The following IFI44 variants were observed in gnomAD, a reference collection of about 807,000 sequenced individuals.
IFI44 encodes the protein interferon-induced protein 44.
In IFI44, 42 loss-of-function variants were observed where a neutral mutation model predicts 45.0. That is an observed-to-expected ratio of 0.93 (90% confidence interval 0.73 to 1.21). The LOEUF (loss-of-function observed/expected upper bound fraction) is 1.21. Among genes scored for constraint, IFI44 ranks in the 50% most tolerant of loss-of-function variants. The pLI is 0.00. For missense variants in IFI44, 623 were observed against 525.8 expected (o/e 1.18, Z -1.81); for synonymous variants, 221 against 188.6 (o/e 1.17, Z -1.41).
rs1647542011 is a variant in IFI44, at chr1:78,662,796, G to T, written c.1206G>T (p.Lys402Asn). ...CTGAGTGGGAGCTGGACCCTGTAAAGGATGTTCTAATTCTTTCTGCTCTGA... is the reference window on the plus strand; with the variant it reads ...CTGAGTGGGAGCTGGACCCTGTAAATGATGTTCTAATTCTTTCTGCTCTGA... ...YSSEWELDPV[K>N]DVLILSALRR... The change falls in exon 8 of 9, where the codon AAG (lysine) becomes AAT (asparagine). Residue 402 changes from lysine (K) to asparagine (N), a missense_variant. Coordinates refer to ENST00000370747, the MANE Select transcript of IFI44 (RefSeq NM_006417.5). 6.2e-7 allele frequency: 1 copy of T among 1,613,664 alleles called. No individual in the cohort carries two copies.
At chr1:78,656,111 C>T (rs1168617320) in intron 5 of IFI44, among the ~76,000 whole-genome samples, 3 of 152,162 alleles carry the variant, frequency 2.0e-5, no homozygotes, top group Non-Finnish European at 2.9e-5. Context: ...ACTGAATCTT[C>T]TGGCCCCTTG....
chr1:78,650,337 G>C lies in IFI44; in HGVS notation c.142G>C (p.Gly48Arg). The change falls in exon 2 of 9, where the codon GGG becomes CGG. Residue 48 changes from glycine to arginine, a missense_variant. Coordinates refer to ENST00000370747, the MANE Select transcript of IFI44 (RefSeq NM_006417.5). ...GVLLDRCCNQ[G>R]PTLTVIYSED... ...TTTGCTTGACAGATGTTGTAATCAA[G>C]GGCCTACTCTAACAGTGATTTATAG... The C allele has an allele frequency of 6.2e-7, 1 of 1,614,018 alleles. No homozygotes were observed. The highest frequency in any genetic ancestry group is 8.5e-7 in the Non-Finnish European group (1 of 1,179,960).
At chr1:78,655,571 T>A in intron 5 of IFI44, 60 bp downstream of exon 5, 1 of 1,417,380 alleles carries the variant, frequency 7.1e-7, no homozygotes. Flanking sequence ...TTTGTACAAA[T>A]GTATCAGCGT....
At chr1:78,654,109 T>A (rs1647167113) in intron 2 of IFI44, 134 bp from the exon 3 acceptor site, 1 of 656,730 alleles carries the variant, frequency 1.5e-6, no homozygotes, top group African/African-American at 1.8e-5. Context: ...TGCTCCCTTT[T>A]CACCATACGG....
Position 78,654,279 on chromosome 1 carries a change from A to T in IFI44, c.494A>T (p.Glu165Val). The T allele has an allele frequency of 6.9e-7, 1 of 1,457,636 alleles. No individual in the cohort carries two copies. The highest frequency in any genetic ancestry group is 9.6e-7 in the Non-Finnish European group (1 of 1,039,234). 90.3% of individuals were successfully genotyped at this position (1,457,636 alleles called of 1,614,324 possible). A position where few individuals can be genotyped will look rare whatever the true frequency, so the allele number is the denominator to read the frequency against. Reference protein sequence around the residue: ...LDERKIKGVIELRKSLLSALR... With the variant: ...LDERKIKGVIVLRKSLLSALR... ...GAAAGAAAGATAAAAGGGGTCATTGAGTAAGTCAATGTTTTTAAGATTCTA... is the reference window on the plus strand; with the variant it reads ...GAAAGAAAGATAAAAGGGGTCATTGTGTAAGTCAATGTTTTTAAGATTCTA... Residue 165 changes from glutamate (E) to valine (V), a missense_variant and splice_region_variant, in exon 3 of 9, where the codon GAG (glutamate) becomes GTG (valine). Transcript: ENST00000370747.
At chr1:78,658,974 T>C (rs543528663) in intron 5 of IFI44, among the ~76,000 whole-genome samples, 1 of 151,972 alleles carries the variant, frequency 6.6e-6, no homozygotes, top group African/African-American at 2.4e-5. Flanking sequence ...TGGTACCAGC[T>C]TTTTTTTCTG....
chr1:78,663,360 T>C (rs546838748), intron 8 of IFI44: 2 of 985,398 alleles, frequency 2.0e-6, no homozygotes, highest in East Asian at 2.3e-4. Flanking sequence ...GTATGGTCAT[T>C]GCTAGGTAGA....
chr1:78,660,797 T>C (rs1477880284), intron 7 of IFI44, 143 bp downstream of exon 7: 2 of 686,700 alleles, frequency 2.9e-6, no homozygotes, highest in Non-Finnish European at 5.3e-6. Context: ...TTTCCCAAGA[T>C]TTAAAAATTA....
At chr1:78,653,959 CG>C (rs1406386082) in intron 2 of IFI44, among the ~76,000 whole-genome samples, 1 of 152,142 alleles carries the variant, frequency 6.6e-6, no homozygotes, top group African/African-American at 2.4e-5. Flanking sequence ...ATTCCCATGT[CG>C]GAGTAAGTTA....
intron 5 of IFI44, among the ~76,000 whole-genome samples, chr1:78,658,416 T>C (rs72673960): frequency 0.017 from 2,661 of 152,296 alleles, 59 homozygotes; most frequent in Non-Finnish European, 0.021. Context: ...GGTTGTATCA[T>C]GTATCCTTGG....
intron 5 of IFI44, 116 bp downstream of exon 5, chr1:78,655,627 G>T: frequency 2.1e-6 from 2 of 957,846 alleles, no homozygotes; most frequent in Admixed American, 3.1e-5. Context: ...GTCTCTTTTA[G>T]ATTTTTTTTT....
At chr1:78,653,490 T>C (rs1647156014) in intron 2 of IFI44, among the ~76,000 whole-genome samples, 1 of 152,218 alleles carries the variant, frequency 6.6e-6, no homozygotes, top group African/African-American at 2.4e-5. Flanking sequence ...CATATAGCCA[T>C]GTTTATAAAT....
At position 78,655,036 on chromosome 1, in the gene IFI44, G is replaced by A. The variant is rs761881608; in HGVS notation, c.517G>A (p.Ala173Thr). Residue 173 changes from alanine to threonine, a missense_variant, in exon 4 of 9, where the codon GCC becomes ACC. By Grantham distance (58) the Ala-to-Thr change is moderately conservative. Coordinates refer to ENST00000370747, the MANE Select transcript of IFI44 (RefSeq NM_006417.5). ...CAGGCTCAGGAAGAGCTTACTGTCT[G>A]CCTTGAGAACTTATGAACCATATGG... ...VIELRKSLLSALRTYEPYGSL... is the reference protein window; with the variant it reads ...VIELRKSLLSTLRTYEPYGSL... The A allele has an allele frequency of 1.2e-6, 2 of 1,613,242 alleles. No homozygotes were observed. Among genetic ancestry groups the A allele is most frequent in the Non-Finnish European group, 1.7e-6 (2 of 1,179,510 alleles).
Position 78,650,306 on chromosome 1 carries a change from T to C in IFI44, c.111T>C (p.Asn37=), listed in dbSNP as rs772202128. 3.1e-6 allele frequency: 5 copies of C among 1,614,096 alleles called. No homozygotes were observed. The highest frequency in any genetic ancestry group is 2.5e-6 in the Non-Finnish European group (3 of 1,179,980). The change falls in exon 2 of 9, where the codon AAT becomes AAC. Residue 37 remains asparagine (N), a synonymous_variant. Coordinates refer to ENST00000370747, the MANE Select transcript of IFI44 (RefSeq NM_006417.5). The stretch of plus-strand genomic sequence containing the variant: ...AGGGTAGTGTCCATGGATTCCGTAA[T>C]GGAGTTTTGCTTGACAGATGTTGTA... The part of the protein sequence containing the change: ...LYKGSVHGFR[N]GVLLDRCCNQ...
At position 78,655,444 on chromosome 1, in the gene IFI44, A is replaced by C; in HGVS notation, c.773A>C (p.Lys258Thr). The change falls in exon 5 of 9, where the codon AAA becomes ACA. Residue 258 changes from lysine to threonine, a missense_variant. Transcript: ENST00000370747. ...ILCDSLGLSE[K>T]EGGLCRDDIF... ...TGTGACTCACTGGGGCTGAGTGAGA[A>C]AGAAGGCGGCCTGTGCAGGGATGAC... 6.2e-7 allele frequency: 1 copy of C among 1,613,964 alleles called. No homozygotes were observed. Among genetic ancestry groups the C allele is most frequent in the South Asian group, 1.1e-5 (1 of 91,082 alleles).
At chr1:78,655,597 A>G in intron 5 of IFI44, 86 bp downstream of exon 5, 1 of 1,193,586 alleles carries the variant, frequency 8.4e-7, no homozygotes, top group East Asian at 2.5e-5. Context: ...TTCTTAAATT[A>G]TACTTGCTCA....
Position 78,650,355 on chromosome 1 carries a change from A to G in IFI44, c.160A>G (p.Ile54Val), listed in dbSNP as rs1019851485. Residue 54 changes from isoleucine to valine, a missense_variant, in exon 2 of 9, where the codon ATT (isoleucine) becomes GTT (valine). Physicochemically the swap from Ile to Val is conservative, Grantham distance 29. Transcript: ENST00000370747. Reference sequence around the variant, plus strand: ...TAATCAAGGGCCTACTCTAACAGTGATTTATAGTGAAGATCATATTATTGG... The same window carrying G: ...TAATCAAGGGCCTACTCTAACAGTGGTTTATAGTGAAGATCATATTATTGG... ...CCNQGPTLTV[I>V]YSEDHIIGAY... 1 of 1,614,098 alleles carries G rather than the reference A, an allele frequency of 6.2e-7. No individual in the cohort carries two copies. Among genetic ancestry groups the G allele is most frequent in the South Asian group, 1.1e-5 (1 of 91,074 alleles).
chr1:78,660,516 G>C, intron 6 of IFI44, 38 bp from the exon 7 acceptor site: 3 of 1,380,170 alleles, frequency 2.2e-6, no homozygotes, highest in Non-Finnish European at 3.1e-6. Context: ...AAATACTGAT[G>C]CTCTCTAAAA....
chr1:78,655,932 A>C (rs576871731), intron 5 of IFI44, among the ~76,000 whole-genome samples: 7 of 152,096 alleles, frequency 4.6e-5, no homozygotes, highest in Admixed American at 1.3e-4. Context: ...CCTCAATGTG[A>C]TGGTATTTGG....
Sources: gnomAD v4.1 joint callset for allele counts (sites outside exome capture counted in the v4.1 genomes callset) on GRCh38, gnomAD v4.1.1 for gene constraint, MANE v1.5 for transcripts, NCBI Gene and HGNC (gene_info 2026-07-23, HGNC 2026-07-21) for gene names.